Variants in MAP7 observed in about 807,000 individuals in gnomAD.
MAP7 encodes the protein microtubule associated protein 7.
Under a neutral mutation model 94.8 loss-of-function variants are expected in MAP7, and 52 were observed. The observed-to-expected ratio is 0.55, with a 90% CI of 0.44 to 0.69. The LOEUF (loss-of-function observed/expected upper bound fraction) is 0.69, where lower values mean the gene tolerates loss of function less well. Among genes scored for constraint, MAP7 ranks in the 30% least tolerant of loss-of-function variants. MAP7 has a pLI of 0.00. For synonymous variants in MAP7, 350 were observed against 357.0 expected (o/e 0.98, Z 0.22); for missense variants, 940 against 964.6 (o/e 0.97, Z 0.34).
At chr6:136,469,570 G>A (rs981794822) in intron 1 of MAP7, among the ~76,000 whole-genome samples, 4 of 152,000 alleles carry the variant, frequency 2.6e-5, no homozygotes, top group Admixed American at 1.3e-4. Flanking sequence ...GTAGGGAAGG[G>A]GTTTTGCCAT....
chr6:136,471,016 C>A (rs938860926), intron 1 of MAP7, among the ~76,000 whole-genome samples: 1 of 152,034 alleles, frequency 6.6e-6, no homozygotes, highest in African/African-American at 2.4e-5. Flanking sequence ...TTGCGTTTAT[C>A]TAACATAAAT....
At chr6:136,430,787 G>T (rs1191561288) in intron 1 of MAP7, among the ~76,000 whole-genome samples, 1 of 152,130 alleles carries the variant, frequency 6.6e-6, no homozygotes, top group Non-Finnish European at 1.5e-5. Context: ...TAGAACACCA[G>T]CCTCATCATC....
chr6:136,476,578 G>T (rs1810993531), intron 1 of MAP7, among the ~76,000 whole-genome samples: 1 of 152,084 alleles, frequency 6.6e-6, no homozygotes, highest in African/African-American at 2.4e-5. Flanking sequence ...GAAAAAGTTG[G>T]AATAGAGGAT....
At chr6:136,407,832 G>T (rs1786107318) in intron 3 of MAP7, among the ~76,000 whole-genome samples, 1 of 152,134 alleles carries the variant, frequency 6.6e-6, no homozygotes, top group Non-Finnish European at 1.5e-5. Flanking sequence ...AAAGAACCTA[G>T]GGTCTCTAGC....
At chr6:136,527,709 G>T (rs1255755834) in intron 1 of MAP7, among the ~76,000 whole-genome samples, 32 of 151,936 alleles carry the variant, frequency 2.1e-4, no homozygotes, top group Non-Finnish European at 2.9e-5. Flanking sequence ...TCCATTTTTT[G>T]CTTTGTAATT....
At chr6:136,522,949 C>T (rs538507500) in intron 1 of MAP7, among the ~76,000 whole-genome samples, 2 of 152,200 alleles carry the variant, frequency 1.3e-5, no homozygotes, top group Admixed American at 1.3e-4. Flanking sequence ...GCAGGACGAT[C>T]ACTTGAGCCC....
intron 6 of MAP7, among the ~76,000 whole-genome samples, chr6:136,381,335 C>A (rs542302453): frequency 6.6e-6 from 1 of 152,028 alleles, no homozygotes; most frequent in South Asian, 2.1e-4. Flanking sequence ...CACACCATCA[C>A]GCTTGGCTAA....
chr6:136,505,268 T>C (rs896888238), intron 1 of MAP7, among the ~76,000 whole-genome samples: 1 of 113,624 alleles, frequency 8.8e-6, no homozygotes, highest in African/African-American at 4.1e-5. Flanking sequence ...TGTGTGTGTG[T>C]GTGTGTGTGT....
At chr6:136,446,402 A>T (rs1044801326) in intron 1 of MAP7, among the ~76,000 whole-genome samples, 9 of 152,240 alleles carry the variant, frequency 5.9e-5, no homozygotes, top group African/African-American at 2.2e-4. Context: ...GGGACACACC[A>T]CCATCCAGGA....
rs1259080043 is a variant in MAP7 at position 136,505,275 on chromosome 6, GTGTATATATATATATATATATATATA to G, written c.67+45041_67+45066del. ...AATGTGTGTGTGTGTGTGTGTGTGT[GTGTATATATATATATATATATATATA>G]TATATATATATAGTAAAATTACAGA... is the stretch of plus-strand genomic sequence containing the variant. On this transcript the variant is annotated intron_variant, in intron 1 of 17. Transcript: ENST00000354570. 7.5e-4 allele frequency among the ~76,000 whole-genome samples: 52 copies of G among 69,186 alleles called. 1 individual carries two copies. The highest frequency in any genetic ancestry group is 2.8e-3 in the African/African-American group (47 of 16,994). The allele number at this position is 69,186 out of a possible 152,430, so 45.4% of individuals were successfully genotyped here.
intron 1 of MAP7, among the ~76,000 whole-genome samples, chr6:136,522,811 C>A (rs567193606): frequency 1.3e-5 from 2 of 152,192 alleles, no homozygotes; most frequent in Non-Finnish European, 2.9e-5. Flanking sequence ...GTGGGAGGAT[C>A]ACTTGAAGAC....
At chr6:136,480,435 G>A (rs1812376944) in intron 1 of MAP7, among the ~76,000 whole-genome samples, 1 of 152,014 alleles carries the variant, frequency 6.6e-6, no homozygotes, top group African/African-American at 2.4e-5. Flanking sequence ...GAGGTCAGGA[G>A]ATCAAGACCA....
At chr6:136,439,656 A>T (rs897538924) in intron 1 of MAP7, among the ~76,000 whole-genome samples, 3 of 152,030 alleles carry the variant, frequency 2.0e-5, no homozygotes, top group African/African-American at 7.2e-5. Flanking sequence ...GCACTTTCTG[A>T]CCCTCTACAT....
intron 1 of MAP7, among the ~76,000 whole-genome samples, chr6:136,527,333 A>G (rs892591740): frequency 6.6e-6 from 1 of 152,234 alleles, no homozygotes; most frequent in African/African-American, 2.4e-5. Flanking sequence ...CCAAATTAAG[A>G]AAAAACATTT....
chr6:136,384,612 T>C (rs893069966), intron 5 of MAP7, among the ~76,000 whole-genome samples: 1 of 152,030 alleles, frequency 6.6e-6, no homozygotes, highest in Non-Finnish European at 1.5e-5. Context: ...GCCTCCCAAG[T>C]AGCTAAGACT....
chr6:136,410,835 C>A (rs1036525670), intron 3 of MAP7, among the ~76,000 whole-genome samples: 7 of 152,208 alleles, frequency 4.6e-5, no homozygotes, highest in African/African-American at 1.7e-4. Context: ...AGTTACAGGT[C>A]ATCTCCTGGG....
chr6:136,389,531 T>TAAAA lies in MAP7; in HGVS notation c.245-18_245-15dup. 1.3e-6 allele frequency: 2 copies of TAAAA among 1,529,402 alleles called. No individual in the cohort carries two copies. Among genetic ancestry groups the TAAAA allele is most frequent in the Admixed American group, 2.0e-5 (1 of 49,046 alleles). 94.7% of individuals were successfully genotyped at this position (1,529,402 alleles called of 1,614,324 possible). A position where few individuals can be genotyped will look rare whatever the true frequency, so the allele number is the denominator to read the frequency against. On this transcript the variant is annotated splice_polypyrimidine_tract_variant and intron_variant, in intron 3 of 17. Transcript: ENST00000354570. ...TTTCTCTTGCAGCTTTGGGGAGGGT[T>TAAAA]AAAAAAAAAAAAAAAGAGGGAAATC...
intron 7 of MAP7, among the ~76,000 whole-genome samples, chr6:136,377,246 C>T (rs1776443633): frequency 6.6e-6 from 1 of 152,180 alleles, no homozygotes; most frequent in Admixed American, 6.5e-5. Flanking sequence ...TTAGCCTACT[C>T]CACAACTCTG....
chr6:136,358,463 T>C (rs931963789), intron 15 of MAP7, among the ~76,000 whole-genome samples: 1 of 152,192 alleles, frequency 6.6e-6, no homozygotes, highest in African/African-American at 2.4e-5. Context: ...ATTAAGACTA[T>C]TCTCCAAACA....
Sources: allele counts gnomAD v4.1 joint callset (sites outside exome capture counted in the v4.1 genomes callset), GRCh38; gene constraint gnomAD v4.1.1; transcripts MANE v1.5; gene names NCBI Gene and HGNC (gene_info 2026-07-23, HGNC 2026-07-21).